The following SLC24A2 variants were observed in gnomAD, a reference collection of about 807,000 sequenced individuals.
The protein encoded by SLC24A2 is sodium/potassium/calcium exchanger 2.
SLC24A2 carries 36 observed loss-of-function variants against 62.0 expected under a neutral mutation model. That is an observed-to-expected ratio of 0.58 (90% CI 0.44 to 0.77). The LOEUF is 0.77. SLC24A2 is among the 30% of genes least tolerant of loss of function. SLC24A2 has a pLI of 0.00. For missense variants in SLC24A2, 846 were observed against 817.9 expected (o/e 1.03, Z -0.42); for synonymous variants, 358 against 294.0 (o/e 1.22, Z -2.23).
the SLC24A2 span, among the ~76,000 whole-genome samples, chr9:20,096,519 T>C: frequency 6.6e-6 from 1 of 152,158 alleles, no homozygotes; most frequent in Non-Finnish European, 1.5e-5. Flanking sequence ...CTATATTTTA[T>C]ACATCTCTCA....
At chr9:19,896,005 C>T in the SLC24A2 span, 404 of 1,545,214 alleles carry the variant, frequency 2.6e-4, 3 homozygotes, top group South Asian at 2.0e-3. Flanking sequence ...CTCAGTGTGA[C>T]GGCAGGGTCG....
the SLC24A2 span, among the ~76,000 whole-genome samples, chr9:20,230,708 C>A: frequency 6.6e-6 from 1 of 152,248 alleles, no homozygotes; most frequent in Non-Finnish European, 1.5e-5. Flanking sequence ...ATAGTAGTTT[C>A]TTTTGCTGTG....
At chr9:19,520,805 A>G in intron 10 of SLC24A2, 89 bp downstream of exon 10, 1 of 1,259,068 alleles carries the variant, frequency 7.9e-7, no homozygotes, top group Non-Finnish European at 1.2e-6. Context: ...TCTTAGGTTC[A>G]GAGATCCTGG....
chr9:19,696,107 G>C (rs976126340), intron 2 of SLC24A2, among the ~76,000 whole-genome samples: 2 of 152,120 alleles, frequency 1.3e-5, no homozygotes, highest in African/African-American at 4.8e-5. Flanking sequence ...ATTCTCACAG[G>C]AGCAGGAACC....
the SLC24A2 span, among the ~76,000 whole-genome samples, chr9:19,816,846 C>G: frequency 1.3e-5 from 2 of 151,870 alleles, no homozygotes; most frequent in Non-Finnish European, 2.9e-5. Context: ...CTCCCATGAT[C>G]CAATCACCTC....
At position 19,733,656 on chromosome 9, in the gene SLC24A2, A is replaced by C. The variant is rs36083168; in HGVS notation, c.930+52281T>G. On this transcript the variant is annotated intron_variant, in intron 2 of 10. Transcript: ENST00000341998. The stretch of plus-strand genomic sequence containing the variant: ...TGGAGTGATCCTGGTATCTCTTCCA[A>C]GTTTTCTTGTTATAAAAATAATCTT... Among the ~76,000 whole-genome samples, 1,384 of 152,296 alleles carry C rather than the reference A, an allele frequency of 9.1e-3. 11 individuals are homozygous for C. The highest frequency in any genetic ancestry group is 0.031 in the Middle Eastern group (9 of 294).
the SLC24A2 span, among the ~76,000 whole-genome samples, chr9:20,160,429 T>C: frequency 5.0e-4 from 75 of 151,450 alleles, no homozygotes; most frequent in Non-Finnish European, 9.6e-4. Flanking sequence ...CCCTAAAAAT[T>C]ATGATAGATA....
rs1242529564 is a variant in SLC24A2, at chr9:19,733,320, C to G, written c.930+52617G>C. On this transcript the variant is annotated intron_variant, in intron 2 of 10. Coordinates refer to ENST00000341998, the MANE Select transcript of SLC24A2 (RefSeq NM_020344.4). ...CAGAACATTACTGACCTAAGGGTAT[C>G]AGAATCAAAGCTCTTGATTTTCTTC... Among the ~76,000 whole-genome samples, 3 of 152,160 alleles carry G rather than the reference C, an allele frequency of 2.0e-5. No individual in the cohort carries two copies. In the East Asian group the frequency reaches 5.8e-4, roughly 29 times the overall value.
At chr9:19,794,783 A>T in the SLC24A2 span, among the ~76,000 whole-genome samples, 1 of 152,184 alleles carries the variant, frequency 6.6e-6, no homozygotes, top group Non-Finnish European at 1.5e-5. Flanking sequence ...AAGGATAAAT[A>T]ATACTGGTAA....
At chr9:20,104,848 A>C in the SLC24A2 span, among the ~76,000 whole-genome samples, 1 of 152,226 alleles carries the variant, frequency 6.6e-6, no homozygotes, top group African/African-American at 2.4e-5. Flanking sequence ...CACACATAAC[A>C]ATATTAACTT....
the SLC24A2 span, among the ~76,000 whole-genome samples, chr9:19,956,075 T>A: frequency 2.6e-5 from 4 of 152,148 alleles, no homozygotes; most frequent in East Asian, 7.7e-4. Context: ...AGTGATCCCT[T>A]AGGTCTACTA....
chr9:20,032,354 G>A, the SLC24A2 span, among the ~76,000 whole-genome samples: 6 of 152,278 alleles, frequency 3.9e-5, no homozygotes, highest in East Asian at 1.2e-3. Flanking sequence ...AGTTTGCAGG[G>A]AAAAGAAGGA....
At chr9:19,548,017 G>A (rs1834668163) in intron 8 of SLC24A2, among the ~76,000 whole-genome samples, 1 of 151,616 alleles carries the variant, frequency 6.6e-6, no homozygotes, top group Admixed American at 6.5e-5. Context: ...ATTGCTTTAA[G>A]TGAGCCACAC....
chr9:19,669,158 A>G (rs1158611768), intron 2 of SLC24A2, among the ~76,000 whole-genome samples: 1 of 152,206 alleles, frequency 6.6e-6, no homozygotes, highest in Non-Finnish European at 1.5e-5. Flanking sequence ...TTGGGTCTTC[A>G]GGTCTGAGTC....
chr9:19,999,495 GTAAC>G, the SLC24A2 span, among the ~76,000 whole-genome samples: 18 of 152,190 alleles, frequency 1.2e-4, no homozygotes, highest in Admixed American at 3.9e-4. Flanking sequence ...GCAACTCATA[GTAAC>G]TAATGATTTA....
chr9:19,896,044 C>G, the SLC24A2 span: 4 of 1,310,932 alleles, frequency 3.1e-6, no homozygotes, highest in Non-Finnish European at 3.2e-6. Context: ...CCCCTTGCCT[C>G]TGGGATGCCT....
the SLC24A2 span, among the ~76,000 whole-genome samples, chr9:19,857,990 T>TAGAAAAAA: frequency 1.3e-5 from 2 of 152,106 alleles, no homozygotes; most frequent in African/African-American, 4.8e-5. Context: ...TTCTGAGAAT[T>TAGAAAAAA]AGAAAAAAAT....
chr9:19,738,656 G>A (rs1279515592), intron 2 of SLC24A2, among the ~76,000 whole-genome samples: 1 of 152,046 alleles, frequency 6.6e-6, no homozygotes, highest in African/African-American at 2.4e-5. Context: ...ATTTCATCAT[G>A]TGAATATACT....
rs949124718 is a variant in SLC24A2 at position 19,514,479 on chromosome 9, T to C, written c.*1674A>G. 6.6e-6 allele frequency: 1 copy of C among 152,224 alleles called. No homozygotes were observed. Among genetic ancestry groups the C allele is most frequent in the East Asian group, 1.9e-4 (1 of 5,192 alleles). 9.4% of individuals were successfully genotyped at this position (152,224 alleles called of 1,614,324 possible). ...TGACTTGGAGAAAAGAAAAGTGCTC[T>C]ACATAGTTTTCCATTGATTCAGTTT... On this transcript the variant is annotated 3_prime_UTR_variant, in exon 11 of 11. Coordinates refer to ENST00000341998, the MANE Select transcript of SLC24A2 (RefSeq NM_020344.4).
Sources: allele counts gnomAD v4.1 joint callset (sites outside exome capture counted in the v4.1 genomes callset), GRCh38; gene constraint gnomAD v4.1.1; transcripts MANE v1.5; gene names NCBI Gene and HGNC (gene_info 2026-07-23, HGNC 2026-07-21).